Variants in BAIAP2L1 observed in about 807,000 individuals in gnomAD.
BAIAP2L1 encodes BAR/IMD domain-containing adapter protein 2-like 1.
A neutral mutation model predicts 66.3 loss-of-function variants in BAIAP2L1; 35 were observed. That is an observed-to-expected ratio of 0.53 (90% CI 0.40 to 0.70). The LOEUF (loss-of-function observed/expected upper bound fraction) is 0.70. Among genes scored for constraint, BAIAP2L1 ranks in the 30% least tolerant of loss-of-function variants. BAIAP2L1 has a pLI of 0.00. For missense variants in BAIAP2L1, 622 were observed against 656.9 expected (o/e 0.95, Z 0.58); for synonymous variants, 269 against 248.7 (o/e 1.08, Z -0.77).
Position 98,308,028 on chromosome 7 carries a change from G to A in BAIAP2L1, c.956-132C>T, listed in dbSNP as rs777189869. The A allele has an allele frequency of 1.3e-5, 11 of 874,662 alleles. No individual in the cohort carries two copies. The South Asian group carries it at 1.5e-4, about 12-fold the overall frequency. The allele number at this position is 874,662 out of a possible 1,614,324, so 54.2% of individuals were successfully genotyped here. On this transcript the variant is annotated intron_variant, in intron 9 of 13. Transcript: ENST00000005260. ...TGCTCCTTCCACGGAAACTGACCCT[G>A]TCCTATTTCCTCGCTTTGATCATTG...
At chr7:98,345,503 T>A (rs1406154847) in intron 3 of BAIAP2L1, among the ~76,000 whole-genome samples, 3 of 152,054 alleles carry the variant, frequency 2.0e-5, no homozygotes, top group Non-Finnish European at 2.9e-5. Context: ...GGCGGGTGGA[T>A]CACCTGAGGT....
intron 1 of BAIAP2L1, among the ~76,000 whole-genome samples, chr7:98,365,088 T>G (rs2115737148): frequency 6.6e-6 from 1 of 151,288 alleles, no homozygotes; most frequent in East Asian, 1.9e-4. Flanking sequence ...CCTATGTGAC[T>G]TTTTTTTAAA....
chr7:98,304,163 G>A (rs764471090), intron 12 of BAIAP2L1, 33 bp downstream of exon 12: 2 of 1,529,904 alleles, frequency 1.3e-6, no homozygotes, highest in African/African-American at 2.8e-5. Flanking sequence ...GGCGAGTCCA[G>A]GACCCAGGAC....
At chr7:98,353,964 TAAAATAAAATAA>T (rs1802063527) in intron 3 of BAIAP2L1, among the ~76,000 whole-genome samples, 1 of 1,452 alleles carries the variant, frequency 6.9e-4, no homozygotes, top group Admixed American at 0.036. Flanking sequence ...TCTGTCTCAA[TAAAATAAAATAA>T]AATAAAATAA....
chr7:98,372,338 G>A (rs1260264745), intron 1 of BAIAP2L1, among the ~76,000 whole-genome samples: 2 of 152,072 alleles, frequency 1.3e-5, no homozygotes, highest in Non-Finnish European at 2.9e-5. Context: ...TCCAGGAGGT[G>A]GAGGTTGCAG....
intron 7 of BAIAP2L1, among the ~76,000 whole-genome samples, chr7:98,312,856 CT>C (rs1800922726): frequency 6.6e-6 from 1 of 152,180 alleles, no homozygotes; most frequent in African/African-American, 2.4e-5. Flanking sequence ...ACCCGCAACC[CT>C]GGAGGCAGAG....
chr7:98,355,385 G>C, intron 2 of BAIAP2L1: 1 of 501,046 alleles, frequency 2.0e-6, no homozygotes, highest in Non-Finnish European at 3.7e-6. Context: ...TGAAAGTCCA[G>C]AGAAGGCTCA....
chr7:98,355,344 C>T, intron 2 of BAIAP2L1: 2 of 573,128 alleles, frequency 3.5e-6, no homozygotes, highest in South Asian at 4.1e-5. Flanking sequence ...TCGTCTCTGA[C>T]CAGCCCCGGG....
chr7:98,333,906 T>C (rs1051449081), intron 3 of BAIAP2L1, among the ~76,000 whole-genome samples: 4 of 152,136 alleles, frequency 2.6e-5, no homozygotes, highest in African/African-American at 9.7e-5. Context: ...ACAAAGTCTA[T>C]AGGCACAGGG....
At chr7:98,361,122 T>G (rs1371928911) in intron 2 of BAIAP2L1, among the ~76,000 whole-genome samples, 2 of 152,106 alleles carry the variant, frequency 1.3e-5, no homozygotes, top group African/African-American at 4.8e-5. Flanking sequence ...TTTGGGAGGC[T>G]GAGGGGAGTG....
intron 2 of BAIAP2L1, among the ~76,000 whole-genome samples, chr7:98,356,803 C>G (rs2115700541): frequency 6.8e-6 from 1 of 147,944 alleles, no homozygotes; most frequent in East Asian, 2.0e-4. Flanking sequence ...ATAAGGAGAC[C>G]CCCCCATATC....
chr7:98,295,041 G>A (rs116581348), intron 12 of BAIAP2L1, among the ~76,000 whole-genome samples: 1,790 of 152,300 alleles, frequency 0.012, 38 homozygotes, highest in African/African-American at 0.041. Context: ...CCTGTGGCCC[G>A]GCCACACCGT....
intron 3 of BAIAP2L1, among the ~76,000 whole-genome samples, chr7:98,341,816 C>A (rs1210413234): frequency 6.6e-6 from 1 of 152,014 alleles, no homozygotes; most frequent in East Asian, 1.9e-4. Flanking sequence ...TAAATAAAAT[C>A]TCCTCTTGTT....
chr7:98,322,516 A>G (rs1470411425), intron 3 of BAIAP2L1, among the ~76,000 whole-genome samples: 2 of 152,172 alleles, frequency 1.3e-5, no homozygotes, highest in Admixed American at 1.3e-4. Flanking sequence ...CATCGGAGCC[A>G]CCTGTAGGGT....
intron 11 of BAIAP2L1, among the ~76,000 whole-genome samples, 197 bp from the exon 12 acceptor site, chr7:98,304,573 A>T (rs780641321): frequency 5.9e-5 from 9 of 152,084 alleles, no homozygotes; most frequent in Non-Finnish European, 1.0e-4. Context: ...TTTGCGACAG[A>T]GTCTCACTCT....
intron 3 of BAIAP2L1, among the ~76,000 whole-genome samples, chr7:98,321,750 G>A (rs868127146): frequency 5.9e-5 from 9 of 152,236 alleles, no homozygotes; most frequent in Middle Eastern, 3.4e-3. Context: ...AAACAATGCC[G>A]ACCAACAGCA....
At chr7:98,317,730 G>C (rs1801120161) in intron 5 of BAIAP2L1, among the ~76,000 whole-genome samples, 1 of 147,282 alleles carries the variant, frequency 6.8e-6, no homozygotes, top group Admixed American at 6.8e-5. Context: ...CACACCATCT[G>C]CATGTTGGCT....
chr7:98,385,911 TCCCAATTCAAA>T, intron 1 of BAIAP2L1: 2 of 1,405,026 alleles, frequency 1.4e-6, no homozygotes, highest in South Asian at 2.3e-5. Context: ...CCATGAGCTT[TCCCAATTCAAA>T]CTTGGGCTTC....
chr7:98,379,686 T>A (rs1584498320), intron 1 of BAIAP2L1, among the ~76,000 whole-genome samples: 1 of 152,202 alleles, frequency 6.6e-6, no homozygotes, highest in South Asian at 2.1e-4. Context: ...GTCCATCAAC[T>A]GGTGAATGAA....
Sources: gnomAD v4.1 joint callset for allele counts (sites outside exome capture counted in the v4.1 genomes callset) on GRCh38, gnomAD v4.1.1 for gene constraint, MANE v1.5 for transcripts, NCBI Gene and HGNC (gene_info 2026-07-23, HGNC 2026-07-21) for gene names.